YIPF4: variants seen among roughly 807,000 people sequenced by gnomAD.
YIPF4 encodes protein YIPF4.
A neutral mutation model predicts 29.4 loss-of-function variants in YIPF4; 18 were observed. The ratio of observed to expected loss-of-function variants is 0.61; its 90% CI spans 0.42 to 0.91. The LOEUF (loss-of-function observed/expected upper bound fraction) is 0.91. Ranked by LOEUF, YIPF4 falls within the 40% of genes least tolerant of loss-of-function variation. The pLI is 0.00. For missense variants in YIPF4, 279 were observed against 282.7 expected (o/e 0.99, Z 0.09); for synonymous variants, 115 against 104.7 (o/e 1.10, Z -0.60).
chr2:32,314,877 G>A lies in YIPF4; in HGVS notation c.*9251G>A, dbSNP rs1448364585. 2 of 152,156 alleles carry A rather than the reference G, an allele frequency of 1.3e-5. No homozygotes were observed. The highest frequency in any genetic ancestry group is 2.9e-5 in the Non-Finnish European group (2 of 68,046). The allele number at this position is 152,156 out of a possible 1,614,324, so 9.4% of individuals were successfully genotyped here. A position where few individuals can be genotyped will look rare whatever the true frequency, so the allele number is the denominator to read the frequency against. On this transcript the variant is annotated 3_prime_UTR_variant, in exon 6 of 6. Coordinates refer to ENST00000238831, the MANE Select transcript of YIPF4 (RefSeq NM_032312.4). ...AATTAATTATACATGGGAAGGTGAT[G>A]AAGGTAGCATGTCAAATTGGTATAA...
intron 5 of YIPF4, 65 bp from the exon 6 acceptor site, chr2:32,305,424 T>C: frequency 7.1e-7 from 1 of 1,406,812 alleles, no homozygotes; most frequent in Non-Finnish European, 9.3e-7. Flanking sequence ...TTTTACTCTA[T>C]GATATCCAAA....
chr2:32,301,648 T>G (rs2031408651), intron 5 of YIPF4, among the ~76,000 whole-genome samples, 153 bp downstream of exon 5: 1 of 152,256 alleles, frequency 6.6e-6, no homozygotes, highest in African/African-American at 2.4e-5. Context: ...GCCAGTTATA[T>G]TTCTTTCATT....
At chr2:32,302,920 G>A (rs934188325) in intron 5 of YIPF4, among the ~76,000 whole-genome samples, 1 of 152,168 alleles carries the variant, frequency 6.6e-6, no homozygotes, top group African/African-American at 2.4e-5. Context: ...AAAATGTGTG[G>A]TTTTTGGAAC....
chr2:32,291,095 G>A (rs937416553), intron 2 of YIPF4, among the ~76,000 whole-genome samples: 1 of 152,168 alleles, frequency 6.6e-6, no homozygotes, highest in Admixed American at 6.5e-5. Flanking sequence ...GAAATTTTGT[G>A]GTTATCTGGA....
At chr2:32,290,809 T>A in intron 2 of YIPF4, 173 bp downstream of exon 2, 1 of 364,800 alleles carries the variant, frequency 2.7e-6, no homozygotes, top group Non-Finnish European at 4.5e-6. Flanking sequence ...GAATATTTTT[T>A]AACCAATTAA....
chr2:32,304,290 C>A (rs1253251486), intron 5 of YIPF4, among the ~76,000 whole-genome samples: 1 of 152,010 alleles, frequency 6.6e-6, no homozygotes. Context: ...CTCTGTAATA[C>A]TTATCACTCT....
At position 32,309,058 on chromosome 2, in the gene YIPF4, C is replaced by G. The variant is rs2031658102; in HGVS notation, c.*3432C>G. On this transcript the variant is annotated 3_prime_UTR_variant, in exon 6 of 6. Transcript: ENST00000238831. ...AAAAAAAAAAAAAAAAAATCAAAAT[C>G]TATATAATTAAGCATTGTTTTTTAA... 1 of 150,342 alleles carries G rather than the reference C, an allele frequency of 6.7e-6. No homozygotes were observed. The highest frequency in any genetic ancestry group is 2.4e-5 in the African/African-American group (1 of 40,934). 9.3% of individuals were successfully genotyped at this position (150,342 alleles called of 1,614,324 possible).
intron 5 of YIPF4, 104 bp downstream of exon 5, chr2:32,301,599 G>A: frequency 1.4e-6 from 1 of 715,908 alleles, no homozygotes. Flanking sequence ...TTATCAAACA[G>A]TTGGTAGTAT....
At chr2:32,302,614 G>C (rs1418488365) in intron 5 of YIPF4, among the ~76,000 whole-genome samples, 1 of 152,054 alleles carries the variant, frequency 6.6e-6, no homozygotes, top group Non-Finnish European at 1.5e-5. Flanking sequence ...TTAATAAATA[G>C]TAGTGTAACT....
In YIPF4 at chr2:32,311,156, C is replaced by T. The variant is rs927200607; in HGVS notation, c.*5530C>T. On this transcript the variant is annotated 3_prime_UTR_variant, in exon 6 of 6. Coordinates refer to ENST00000238831, the MANE Select transcript of YIPF4 (RefSeq NM_032312.4). ...AGCCTGGGCAACATAGTAAGTAAGA[C>T]CTTGTCTCTTAAAAAAAATACATTC... The T allele has an allele frequency of 2.0e-5, 3 of 152,024 alleles. No homozygotes were observed. Among genetic ancestry groups the T allele is most frequent in the African/African-American group, 7.2e-5 (3 of 41,390 alleles). The allele number at this position is 152,024 out of a possible 1,614,324, so 9.4% of individuals were successfully genotyped here. A position where few individuals can be genotyped will look rare whatever the true frequency, so the allele number is the denominator to read the frequency against.
In YIPF4 at chr2:32,305,650, AAGATGG is replaced by A; in HGVS notation, c.*25_*30del. 6.5e-7 allele frequency: 1 copy of A among 1,534,672 alleles called. No individual in the cohort carries two copies. Among genetic ancestry groups the A allele is most frequent in the Non-Finnish European group, 8.7e-7 (1 of 1,144,040 alleles). On this transcript the variant is annotated 3_prime_UTR_variant, in exon 6 of 6. Transcript: ENST00000238831. ...GATCCAAGTTATACATGAATAGAAA[AAGATGG>A]TGTTAAATTTGTGTGTAGGCTGGGA...
Position 32,306,956 on chromosome 2 carries a change from G to C in YIPF4, c.*1330G>C, listed in dbSNP as rs887012718. 2 of 411,010 alleles carry C rather than the reference G, an allele frequency of 4.9e-6. No individual in the cohort carries two copies. The highest frequency in any genetic ancestry group is 4.3e-5 in the African/African-American group (2 of 46,066). 25.5% of individuals were successfully genotyped at this position (411,010 alleles called of 1,614,324 possible). A position where few individuals can be genotyped will look rare whatever the true frequency, so the allele number is the denominator to read the frequency against. ...GCACCTCTGAAGCAAACCTACAAAT[G>C]AGTGTGTTATCAAGCCCAGCCGTCT... On this transcript the variant is annotated 3_prime_UTR_variant, in exon 6 of 6. Transcript: ENST00000238831.
In YIPF4 at chr2:32,314,834, G is replaced by A. The variant is rs933014303; in HGVS notation, c.*9208G>A. On this transcript the variant is annotated 3_prime_UTR_variant, in exon 6 of 6. Transcript: ENST00000238831. ...TCATTTAGGTCAATGAAACAGGAGGGTTTCCAGAATTATACCCAATTAATT... is the reference window on the plus strand; with the variant it reads ...TCATTTAGGTCAATGAAACAGGAGGATTTCCAGAATTATACCCAATTAATT... The A allele has an allele frequency of 6.6e-6, 1 of 152,090 alleles. No homozygotes were observed. Among genetic ancestry groups the A allele is most frequent in the East Asian group, 1.9e-4 (1 of 5,194 alleles). 9.4% of individuals were successfully genotyped at this position (152,090 alleles called of 1,614,324 possible).
rs931357952 is a variant in YIPF4, at chr2:32,311,614, T to G, written c.*5988T>G. ...AAAAGAATATTTGTGTAAAATATTT[T>G]GAAGTTGTAATTAGTGTATATACAA... On this transcript the variant is annotated 3_prime_UTR_variant, in exon 6 of 6. Coordinates refer to ENST00000238831, the MANE Select transcript of YIPF4 (RefSeq NM_032312.4). The G allele has an allele frequency of 3.9e-5, 6 of 152,226 alleles. No homozygotes were observed. The highest frequency in any genetic ancestry group is 7.3e-5 in the Non-Finnish European group (5 of 68,028). The allele number at this position is 152,226 out of a possible 1,614,324, so 9.4% of individuals were successfully genotyped here.
In YIPF4 at chr2:32,278,186, G is replaced by A. The variant is rs550187999; in HGVS notation, c.31G>A (p.Ala11Thr). ...GCCTCCGGGCCCGCCCCCGGCCTAT[G>A]CCCCCACTAACGGGGACTTCACCTT... MQPPGPPPAY[A>T]PTNGDFTFVS... Residue 11 changes from alanine (A) to threonine (T), a missense_variant, in exon 1 of 6, where the codon GCC becomes ACC. Ala to Thr is a moderately conservative substitution (Grantham distance 58). Coordinates refer to ENST00000238831, the MANE Select transcript of YIPF4 (RefSeq NM_032312.4). 2 of 1,573,946 alleles carry A rather than the reference G, an allele frequency of 1.3e-6. No homozygotes were observed. The highest frequency in any genetic ancestry group is 2.4e-5 in the East Asian group (1 of 42,456).
chr2:32,285,301 GAT>G (rs949268833), intron 1 of YIPF4, among the ~76,000 whole-genome samples: 18 of 152,160 alleles, frequency 1.2e-4, no homozygotes, highest in Admixed American at 9.8e-4. Flanking sequence ...GAAGACCTGA[GAT>G]ATATCAGTTT....
chr2:32,305,429 T>C lies in YIPF4; in HGVS notation c.598-60T>C, dbSNP rs1269666971. On this transcript the variant is annotated intron_variant, in intron 5 of 5. Coordinates refer to ENST00000238831, the MANE Select transcript of YIPF4 (RefSeq NM_032312.4). The stretch of plus-strand genomic sequence containing the variant: ...TAAACACCATTTTTACTCTATGATA[T>C]CCAAAAAGTTAATTGACTTGCTAAT... 5.7e-6 allele frequency: 8 copies of C among 1,411,198 alleles called. No homozygotes were observed. The Admixed American group carries it at 1.9e-4, about 33-fold the overall frequency. The allele number at this position is 1,411,198 out of a possible 1,614,324, so 87.4% of individuals were successfully genotyped here.
chr2:32,294,698 T>C (rs2031097837), intron 3 of YIPF4, among the ~76,000 whole-genome samples: 1 of 152,102 alleles, frequency 6.6e-6, no homozygotes, highest in Non-Finnish European at 1.5e-5. Context: ...CTCGGCACTT[T>C]GGGAGGCCAA....
chr2:32,286,420 C>G (rs995007645), intron 1 of YIPF4, among the ~76,000 whole-genome samples: 3 of 151,934 alleles, frequency 2.0e-5, no homozygotes, highest in Non-Finnish European at 4.4e-5. Context: ...AGATAAATTA[C>G]AGAATTTAAT....
Sources: gnomAD v4.1 joint callset for allele counts (sites outside exome capture counted in the v4.1 genomes callset) on GRCh38, gnomAD v4.1.1 for gene constraint, MANE v1.5 for transcripts, NCBI Gene and HGNC (gene_info 2026-07-23, HGNC 2026-07-21) for gene names.